SYNJ2: variants seen among roughly 807,000 people sequenced by gnomAD.
SYNJ2 encodes the protein polyphosphatidylinositol phosphatase SYNJ2.
Under a neutral mutation model 141.3 loss-of-function variants are expected in SYNJ2, and 116 were observed. The observed-to-expected ratio is 0.82, with a 90% confidence interval of 0.71 to 0.96. SYNJ2 has a LOEUF of 0.96. Among genes scored for constraint, SYNJ2 ranks in the 40% least tolerant of loss-of-function variants. The pLI is 0.00. For missense variants in SYNJ2, 1,873 were observed against 1,934.8 expected (o/e 0.97, Z 0.60); for synonymous variants, 745 against 777.7 (o/e 0.96, Z 0.70).
intron 3 of SYNJ2, among the ~76,000 whole-genome samples, chr6:158,032,534 C>T (rs925945578): frequency 2.0e-5 from 3 of 152,300 alleles, no homozygotes; most frequent in East Asian, 1.9e-4. Flanking sequence ...GAGAGAACTA[C>T]GTGGTCGTTC....
intron 1 of SYNJ2, among the ~76,000 whole-genome samples, chr6:158,008,904 C>A (rs910467822): frequency 1.8e-4 from 27 of 152,218 alleles, no homozygotes; most frequent in Admixed American, 4.6e-4. Context: ...ACACCCAAAA[C>A]CTTTCTGTGA....
chr6:158,069,417 G>A, intron 13 of SYNJ2, 116 bp from the exon 14 acceptor site: 1 of 1,294,010 alleles, frequency 7.7e-7, no homozygotes, highest in East Asian at 2.4e-5. Flanking sequence ...TTGGGGTGCG[G>A]GCAGCGTGAA....
rs1225610467 is a variant in SYNJ2, at chr6:158,070,949, A to G, written c.1941-653A>G. ...TGTAATCCCAGCACTTTGGGAGGCC[A>G]AGGCAGGCAGATCACTTGAGGTGAG... On this transcript the variant is annotated intron_variant, in intron 14 of 26. Transcript: ENST00000355585. This position sits in a 1 kb window ranked among gnomAD's most constrained non-coding sequence, Gnocchi z 4.0. Among the ~76,000 whole-genome samples the G allele has an allele frequency of 2.0e-5, 3 of 152,166 alleles. No homozygotes were observed.
chr6:158,063,456 C>G (rs1025468328), intron 8 of SYNJ2, among the ~76,000 whole-genome samples: 5 of 151,878 alleles, frequency 3.3e-5, no homozygotes, highest in Non-Finnish European at 5.9e-5. Context: ...GTCAGGAGTT[C>G]GAGACTAGCC....
intron 1 of SYNJ2, among the ~76,000 whole-genome samples, chr6:158,011,120 G>T (rs371666132): frequency 2.0e-5 from 3 of 152,136 alleles, no homozygotes; most frequent in South Asian, 2.1e-4. Flanking sequence ...CACGCGGGGA[G>T]AGGATGACCA....
At chr6:158,059,514 C>G in intron 7 of SYNJ2, 161 bp downstream of exon 7, 1 of 1,422,812 alleles carries the variant, frequency 7.0e-7, no homozygotes. Context: ...CACGGCAGTG[C>G]TCAGTGACTC....
chr6:157,989,427 A>AATATATATATATATATATATAT (rs34948131), intron 1 of SYNJ2, among the ~76,000 whole-genome samples: 3 of 96,292 alleles, frequency 3.1e-5, no homozygotes, highest in Non-Finnish European at 6.4e-5. Context: ...TAAAAAAATG[A>AATATATATATATATATATATAT]ATATATATAT....
intron 22 of SYNJ2, among the ~76,000 whole-genome samples, chr6:158,086,560 C>G (rs2128394833): frequency 6.6e-6 from 1 of 152,330 alleles, no homozygotes. Context: ...CTGTCTCCTC[C>G]ACTCTGCCCA....
At chr6:158,092,745 G>A (rs1783543935) in intron 25 of SYNJ2, among the ~76,000 whole-genome samples, 181 bp from the exon 26 acceptor site, 1 of 152,102 alleles carries the variant, frequency 6.6e-6, no homozygotes, top group Non-Finnish European at 1.5e-5. Context: ...GGCCTGGGTG[G>A]CAGAGCGAGA....
At chr6:158,005,164 G>A (rs572322494) in intron 1 of SYNJ2, among the ~76,000 whole-genome samples, 155 of 148,508 alleles carry the variant, frequency 1.0e-3, no homozygotes, top group Non-Finnish European at 1.6e-3. Context: ...TGCAAGCTCC[G>A]CCTCCCAGGT....
chr6:158,011,905 A>C (rs1331336934), intron 1 of SYNJ2, among the ~76,000 whole-genome samples: 2 of 152,176 alleles, frequency 1.3e-5, no homozygotes, highest in African/African-American at 2.4e-5. Context: ...GGGTTGAAAT[A>C]GGTATTTTTG....
rs58356198 is a variant in SYNJ2 at position 158,090,542 on chromosome 6, G to GTTTTTTTTTTTTTTT, written c.3565+601_3565+615dup. Among the ~76,000 whole-genome samples the GTTTTTTTTTTTTTTT allele has an allele frequency of 2.1e-4, 24 of 113,914 alleles. 1 individual carries two copies. Among genetic ancestry groups the GTTTTTTTTTTTTTTT allele is most frequent in the Non-Finnish European group, 3.2e-4 (18 of 56,058 alleles). 74.7% of individuals were successfully genotyped at this position (113,914 alleles called of 152,430 possible). On this transcript the variant is annotated intron_variant, in intron 25 of 26. Coordinates refer to ENST00000355585, the MANE Select transcript of SYNJ2 (RefSeq NM_003898.4). ...TGCCCTTTTCTTCGTTTTTTTTTTTGTTTTTTTTTTTTTTTTTTTTGAGAC... is the reference window on the plus strand; with the variant it reads ...TGCCCTTTTCTTCGTTTTTTTTTTTGTTTTTTTTTTTTTTTTTTTTTTTTTTTTTTTTTTTGAGAC...
At chr6:158,092,747 A>G (rs551734976) in intron 25 of SYNJ2, among the ~76,000 whole-genome samples, 179 bp from the exon 26 acceptor site, 1 of 152,310 alleles carries the variant, frequency 6.6e-6, no homozygotes, top group South Asian at 2.1e-4. Context: ...CCTGGGTGGC[A>G]GAGCGAGAGC....
chr6:158,083,295 C>A, intron 20 of SYNJ2, 134 bp from the exon 21 acceptor site: 1 of 1,067,758 alleles, frequency 9.4e-7, no homozygotes, highest in Non-Finnish European at 1.3e-6. Flanking sequence ...GAGGTCTGGA[C>A]CCTTGGTTTT....
At chr6:158,088,271 T>G (rs61587866) in intron 23 of SYNJ2, among the ~76,000 whole-genome samples, 4 of 151,718 alleles carry the variant, frequency 2.6e-5, no homozygotes, top group African/African-American at 9.7e-5. Flanking sequence ...AGTTTCACCA[T>G]GTTGCCCAGG....
At chr6:158,026,768 A>G in intron 2 of SYNJ2, 2 of 956,190 alleles carry the variant, frequency 2.1e-6, no homozygotes, top group Non-Finnish European at 2.5e-6. Context: ...CACAGGGGCC[A>G]TCCTCCTGCC....
At chr6:157,992,276 G>A (rs1006182075) in intron 1 of SYNJ2, among the ~76,000 whole-genome samples, 4 of 151,610 alleles carry the variant, frequency 2.6e-5, no homozygotes, top group East Asian at 1.9e-4. Flanking sequence ...GACCCCCGCC[G>A]CTACCCTTCC....
At chr6:157,993,832 T>TTTG (rs1777545780) in intron 1 of SYNJ2, among the ~76,000 whole-genome samples, 1 of 79,234 alleles carries the variant, frequency 1.3e-5, no homozygotes, top group Non-Finnish European at 2.3e-5. Flanking sequence ...TTTTTTTTTT[T>TTTG]GGGACGGAGT....
intron 1 of SYNJ2, among the ~76,000 whole-genome samples, chr6:158,012,683 G>A (rs936183302): frequency 5.9e-5 from 9 of 152,176 alleles, no homozygotes; most frequent in Non-Finnish European, 8.8e-5. Context: ...CATTTGTTGC[G>A]GTAGTAAAGG....
Sources: allele counts gnomAD v4.1 joint callset (sites outside exome capture counted in the v4.1 genomes callset), GRCh38; gene constraint gnomAD v4.1.1; non-coding constraint Gnocchi (gnomAD v3.1); transcripts MANE v1.5; gene names NCBI Gene and HGNC (gene_info 2026-07-23, HGNC 2026-07-21).